The following UBXN7 variants were observed in gnomAD, a reference collection of about 807,000 sequenced individuals.
UBXN7 encodes UBX domain-containing protein 7.
A neutral mutation model predicts 58.0 loss-of-function variants in UBXN7; 9 were observed. That is an observed-to-expected ratio of 0.16 (90% confidence interval 0.09 to 0.27). The LOEUF (loss-of-function observed/expected upper bound fraction) is 0.27. Among genes scored for constraint, UBXN7 ranks in the 10% least tolerant of loss-of-function variants. UBXN7 has a pLI of 1.00. For synonymous variants in UBXN7, 208 were observed against 205.0 expected, an observed-to-expected ratio of 1.01 and a Z score of -0.12; for missense variants, 328 against 599.6, an observed-to-expected ratio of 0.55 and a Z score of 4.73.
chr3:196,404,439 T>C (rs1255704457), intron 2 of UBXN7, among the ~76,000 whole-genome samples: 1 of 152,076 alleles, frequency 6.6e-6, no homozygotes, highest in Non-Finnish European at 1.5e-5. Context: ...ATTTTTTGTA[T>C]TTTTAGTGGA....
At chr3:196,386,380 TAAAAAAAAAAA>T (rs34268326) in intron 5 of UBXN7, among the ~76,000 whole-genome samples, 3 of 57,760 alleles carry the variant, frequency 5.2e-5, no homozygotes, top group African/African-American at 1.4e-4. Context: ...TAATAAACAC[TAAAAAAAAAAA>T]AAAAAAAAAA....
At chr3:196,370,260 G>A (rs937321577) in intron 6 of UBXN7, among the ~76,000 whole-genome samples, 1 of 145,280 alleles carries the variant, frequency 6.9e-6, no homozygotes, top group Non-Finnish European at 1.5e-5. Flanking sequence ...ATCTCCACGA[G>A]AAGTTTTTTT....
intron 9 of UBXN7, 98 bp from the exon 10 acceptor site, chr3:196,362,021 C>CAAAACACTTGAGT: frequency 8.1e-7 from 1 of 1,230,320 alleles, no homozygotes; most frequent in Non-Finnish European, 1.1e-6. Context: ...AGCCATTCAG[C>CAAAACACTTGAGT]AATTACTCAA....
At chr3:196,417,249 T>C (rs942622922) in intron 1 of UBXN7, among the ~76,000 whole-genome samples, 12 of 152,108 alleles carry the variant, frequency 7.9e-5, no homozygotes, top group Middle Eastern at 3.2e-3. Flanking sequence ...GCAGCGGAGC[T>C]TGCAGTGAGC....
At chr3:196,417,070 T>G (rs1029305041) in intron 1 of UBXN7, among the ~76,000 whole-genome samples, 5 of 152,096 alleles carry the variant, frequency 3.3e-5, no homozygotes, top group East Asian at 1.9e-4. Flanking sequence ...TCCCAGAACT[T>G]TGGGGGGCCG....
intron 1 of UBXN7, among the ~76,000 whole-genome samples, chr3:196,407,750 T>C (rs1577469065): frequency 6.6e-6 from 1 of 152,272 alleles, no homozygotes; most frequent in East Asian, 1.9e-4. Flanking sequence ...TCTAGAAAGT[T>C]AGAAATGCTT....
intron 5 of UBXN7, among the ~76,000 whole-genome samples, chr3:196,384,745 C>T (rs1289155191): frequency 1.3e-5 from 2 of 152,142 alleles, no homozygotes; most frequent in African/African-American, 2.4e-5. Flanking sequence ...CAACAAAATT[C>T]AACAGCCCTT....
chr3:196,428,408 G>T (rs560955344), intron 1 of UBXN7, among the ~76,000 whole-genome samples: 8 of 145,272 alleles, frequency 5.5e-5, no homozygotes, highest in Non-Finnish European at 9.1e-5. Flanking sequence ...AGCTATAATT[G>T]TGCCACTGTA....
intron 1 of UBXN7, chr3:196,423,353 T>C: frequency 5.8e-6 from 1 of 171,444 alleles, no homozygotes; most frequent in South Asian, 9.8e-5. Context: ...AACAAGCCGG[T>C]CCCTGAGAGG....
chr3:196,385,560 C>T (rs1315652639), intron 5 of UBXN7, among the ~76,000 whole-genome samples: 4 of 151,184 alleles, frequency 2.6e-5, no homozygotes, highest in Non-Finnish European at 4.4e-5. Context: ...ATGTGAAGAG[C>T]GCCTCGGCCC....
In UBXN7 at chr3:196,349,878, C is replaced by G. The variant is rs1397868338; in HGVS notation, c.*6807G>C. 6.6e-6 allele frequency: 1 copy of G among 152,154 alleles called. No homozygotes were observed. The highest frequency in any genetic ancestry group is 1.5e-5 in the Non-Finnish European group (1 of 68,032). 9.4% of individuals were successfully genotyped at this position (152,154 alleles called of 1,614,324 possible). A position where few individuals can be genotyped will look rare whatever the true frequency, so the allele number is the denominator to read the frequency against. ...CTTCTTTTGATGAGAAAAAATATTA[C>G]TTAGGTTTAGTCCAGCTTAGCTTGA... On this transcript the variant is annotated 3_prime_UTR_variant, in exon 11 of 11. Transcript: ENST00000296328.
At chr3:196,425,754 T>C (rs902432733) in intron 1 of UBXN7, among the ~76,000 whole-genome samples, 1 of 152,212 alleles carries the variant, frequency 6.6e-6, no homozygotes, top group African/African-American at 2.4e-5. Flanking sequence ...TCTGTCTGTA[T>C]ACATGTCTGC....
intron 3 of UBXN7, among the ~76,000 whole-genome samples, chr3:196,398,314 G>T (rs773727525): frequency 1.1e-4 from 16 of 152,208 alleles, no homozygotes; most frequent in South Asian, 2.1e-4. Flanking sequence ...ACAAACGTTT[G>T]TTTTTTTCAG....
intron 1 of UBXN7, among the ~76,000 whole-genome samples, chr3:196,425,962 G>A (rs1730836464): frequency 6.6e-6 from 1 of 152,026 alleles, no homozygotes; most frequent in South Asian, 2.1e-4. Context: ...GCTTTCTGAG[G>A]ACAGACACCA....
chr3:196,410,159 T>C (rs1428855499), intron 1 of UBXN7, among the ~76,000 whole-genome samples: 1 of 152,084 alleles, frequency 6.6e-6, no homozygotes, highest in Non-Finnish European at 1.5e-5. Context: ...AGGCTGGTCC[T>C]GACCTCCTGA....
chr3:196,423,226 C>G (rs1008072982), intron 1 of UBXN7: 2 of 153,198 alleles, frequency 1.3e-5, no homozygotes, highest in African/African-American at 4.8e-5. Flanking sequence ...CTGGGGAGGG[C>G]GGAAGGCCAG....
intron 10 of UBXN7, among the ~76,000 whole-genome samples, chr3:196,359,691 G>C (rs1384376453): frequency 1.3e-5 from 2 of 152,116 alleles, no homozygotes; most frequent in Non-Finnish European, 2.9e-5. Flanking sequence ...GATCACCTGA[G>C]GTCAGGAGTT....
At chr3:196,395,369 T>C (rs2108847676) in intron 3 of UBXN7, among the ~76,000 whole-genome samples, 1 of 152,366 alleles carries the variant, frequency 6.6e-6, no homozygotes, top group South Asian at 2.1e-4. Flanking sequence ...CATTCCTGTG[T>C]ATATGTGTAT....
chr3:196,407,407 AAGAC>A lies in UBXN7; in HGVS notation c.74-18_74-15del, dbSNP rs1730193838. On this transcript the variant is annotated splice_polypyrimidine_tract_variant and intron_variant, in intron 1 of 10. Coordinates refer to ENST00000296328, the MANE Select transcript of UBXN7 (RefSeq NM_015562.2). Reference sequence around the variant, plus strand: ...TTTCACTTGCACCTGAAACAGTAAAAAGACAGGAAAAACGTTAAAAAAAAAAAAA... The same window carrying A: ...TTTCACTTGCACCTGAAACAGTAAAAAGGAAAAACGTTAAAAAAAAAAAAA... The A allele has an allele frequency of 6.3e-7, 1 of 1,583,890 alleles. No individual in the cohort carries two copies. Among genetic ancestry groups the A allele is most frequent in the Non-Finnish European group, 8.5e-7 (1 of 1,171,050 alleles).
Sources: allele counts gnomAD v4.1 joint callset (sites outside exome capture counted in the v4.1 genomes callset), GRCh38; gene constraint gnomAD v4.1.1; transcripts MANE v1.5; gene names NCBI Gene and HGNC (gene_info 2026-07-23, HGNC 2026-07-21).